Variants in SETDB2 observed in about 807,000 individuals in gnomAD.
The protein encoded by SETDB2 is SET domain bifurcated histone lysine methyltransferase 2, also known as histone-lysine N-methyltransferase SETDB2.
SETDB2 carries 56 observed loss-of-function variants against 82.5 expected under a neutral mutation model. That is an observed-to-expected ratio of 0.68 (90% confidence interval 0.55 to 0.85). SETDB2 has a LOEUF of 0.85. Ranked by LOEUF, SETDB2 falls within the 40% of genes least tolerant of loss-of-function variation. SETDB2 has a pLI of 0.00. For missense variants in SETDB2, 677 were observed against 816.4 expected (o/e 0.83, Z 2.08); for synonymous variants, 272 against 284.9 (o/e 0.95, Z 0.46).
intron 3 of SETDB2, among the ~76,000 whole-genome samples, chr13:49,460,679 G>A (rs1004994353): frequency 1.3e-5 from 2 of 152,066 alleles, no homozygotes; most frequent in Admixed American, 6.5e-5. Flanking sequence ...AACCCTGGTT[G>A]GTTGTAGAAC....
intron 11 of SETDB2, among the ~76,000 whole-genome samples, chr13:49,487,305 A>T (rs749896393): frequency 7.9e-5 from 12 of 152,014 alleles, no homozygotes; most frequent in Non-Finnish European, 1.8e-4. Context: ...AGTAATTTAT[A>T]CTTACTCCAT....
intron 4 of SETDB2, among the ~76,000 whole-genome samples, chr13:49,466,811 C>CT (rs3039228): frequency 0.15 from 17,550 of 116,754 alleles, 1,951 homozygotes; most frequent in African/African-American, 0.23. Context: ...GCCTGGCTAA[C>CT]TTTTTTTTTT....
intron 5 of SETDB2, among the ~76,000 whole-genome samples, chr13:49,475,806 A>G (rs1453001621): frequency 6.6e-6 from 1 of 151,056 alleles, no homozygotes; most frequent in African/African-American, 2.4e-5. Flanking sequence ...TTTTTATTTT[A>G]TTAATAACCA....
intron 3 of SETDB2, among the ~76,000 whole-genome samples, 166 bp from the exon 4 acceptor site, chr13:49,460,931 G>A (rs757167222): frequency 5.9e-5 from 9 of 152,122 alleles, no homozygotes; most frequent in Non-Finnish European, 1.2e-4. Flanking sequence ...GGAATAAATA[G>A]CTTAACCTCT....
At position 49,494,045 on chromosome 13, in the gene SETDB2, G is replaced by A. The variant is rs957579987; in HGVS notation, c.*2196G>A. On this transcript the variant is annotated 3_prime_UTR_variant, in exon 14 of 14. Transcript: ENST00000611815. ...TCCAGATGTTAGACCTCCAGAATTT[G>A]ATCTCTAATTTTCCTATCTTTTCTC... is the stretch of plus-strand genomic sequence containing the variant. The A allele has an allele frequency of 1.3e-5, 2 of 152,048 alleles. No homozygotes were observed. The highest frequency in any genetic ancestry group is 4.8e-5 in the African/African-American group (2 of 41,370). 9.4% of individuals were successfully genotyped at this position (152,048 alleles called of 1,614,324 possible). A position where few individuals can be genotyped will look rare whatever the true frequency, so the allele number is the denominator to read the frequency against.
rs201035690 is a variant in SETDB2, at chr13:49,487,338, CT to C, written c.1577-942del. Among the ~76,000 whole-genome samples the C allele has an allele frequency of 5.4e-5, 8 of 148,416 alleles. No individual in the cohort carries two copies. The East Asian group carries it at 5.9e-4, about 11-fold the overall frequency. On this transcript the variant is annotated intron_variant, in intron 11 of 13. Coordinates refer to ENST00000611815, the MANE Select transcript of SETDB2 (RefSeq NM_001160308.3). Reference sequence around the variant, plus strand: ...CATCTGACATGCATTCATATCTTTTCTTTTTTTTTTAAAGAGAGACAGCGAC... The same window carrying C: ...CATCTGACATGCATTCATATCTTTTCTTTTTTTTTAAAGAGAGACAGCGAC...
chr13:49,469,489 C>G (rs1464903068), intron 5 of SETDB2, among the ~76,000 whole-genome samples: 4 of 152,162 alleles, frequency 2.6e-5, no homozygotes. Flanking sequence ...TAACTCAGCA[C>G]CTAGTGTTGG....
At position 49,493,454 on chromosome 13, in the gene SETDB2, C is replaced by T. The variant is rs1958749806; in HGVS notation, c.*1605C>T. 1 of 152,116 alleles carries T rather than the reference C, an allele frequency of 6.6e-6. No homozygotes were observed. The highest frequency in any genetic ancestry group is 2.1e-4 in the South Asian group (1 of 4,834). The allele number at this position is 152,116 out of a possible 1,614,324, so 9.4% of individuals were successfully genotyped here. On this transcript the variant is annotated 3_prime_UTR_variant, in exon 14 of 14. Coordinates refer to ENST00000611815, the MANE Select transcript of SETDB2 (RefSeq NM_001160308.3). Reference sequence around the variant, plus strand: ...AAATTTCTCCTAAAATCTTGATTTGCTTTAGTCTGGACTGGTTCATAGCCA... The same window carrying T: ...AAATTTCTCCTAAAATCTTGATTTGTTTTAGTCTGGACTGGTTCATAGCCA...
intron 5 of SETDB2, among the ~76,000 whole-genome samples, chr13:49,474,180 T>A (rs1042487086): frequency 6.6e-6 from 1 of 152,140 alleles, no homozygotes; most frequent in Admixed American, 6.5e-5. Flanking sequence ...AAGAATTGCT[T>A]GAAGCTGGGA....
intron 1 of SETDB2, chr13:49,445,498 T>A (rs554343866): frequency 6.6e-6 from 1 of 152,356 alleles, no homozygotes; most frequent in South Asian, 2.1e-4. Context: ...CAGTTGTCTC[T>A]GGATGATGGG....
At chr13:49,449,097 C>G (rs1292182165) in intron 1 of SETDB2, among the ~76,000 whole-genome samples, 4 of 152,162 alleles carry the variant, frequency 2.6e-5, no homozygotes, top group Admixed American at 2.0e-4. Flanking sequence ...AAGTGGGTCT[C>G]TTATTTTAAA....
At chr13:49,463,969 C>T (rs1389866401) in intron 4 of SETDB2, 5 of 715,052 alleles carry the variant, frequency 7.0e-6, no homozygotes, top group African/African-American at 1.7e-5. Context: ...TACAGGAAAG[C>T]TTATTTCTCT....
In SETDB2 at chr13:49,492,860, G is replaced by C. The variant is rs1198447511; in HGVS notation, c.*1011G>C. ...CGTAGTCTCAGCTACTCAGGAGTGA[G>C]GTGGGAGGATCATTTGAGCTCAGAA... On this transcript the variant is annotated 3_prime_UTR_variant, in exon 14 of 14. Transcript: ENST00000611815. 1 of 152,108 alleles carries C rather than the reference G, an allele frequency of 6.6e-6. No homozygotes were observed. The highest frequency in any genetic ancestry group is 6.6e-5 in the Admixed American group (1 of 15,266). The allele number at this position is 152,108 out of a possible 1,614,324, so 9.4% of individuals were successfully genotyped here. A position where few individuals can be genotyped will look rare whatever the true frequency, so the allele number is the denominator to read the frequency against.
rs1360733432 is a variant in SETDB2 at position 49,492,988 on chromosome 13, AAAC to A, written c.*1142_*1144del. 6.6e-6 allele frequency: 1 copy of A among 152,112 alleles called. No homozygotes were observed. Among genetic ancestry groups the A allele is most frequent in the African/African-American group, 2.4e-5 (1 of 41,400 alleles). The allele number at this position is 152,112 out of a possible 1,614,324, so 9.4% of individuals were successfully genotyped here. Reference sequence around the variant, plus strand: ...AAACAGCACACACACACACACACGAAAACAATTCTGAACTATGAAATCTGAAAC... The same window carrying A: ...AAACAGCACACACACACACACACGAAAATTCTGAACTATGAAATCTGAAAC... On this transcript the variant is annotated 3_prime_UTR_variant, in exon 14 of 14. Transcript: ENST00000611815.
In SETDB2 at chr13:49,490,869, A is replaced by C; in HGVS notation, c.1965A>C (p.Thr655=). Residue 655 remains threonine (T), a synonymous_variant, in exon 13 of 14, where the codon ACA becomes ACC. Transcript: ENST00000611815. ...NLLVQNVFVE[T]HNRNFPLVAF... ...TGGTACAGAATGTTTTTGTAGAAAC[A>C]CACAACAGGAATTTTCCATTGGTGG... 1.2e-6 allele frequency: 2 copies of C among 1,613,694 alleles called. No homozygotes were observed. The highest frequency in any genetic ancestry group is 1.7e-6 in the Non-Finnish European group (2 of 1,179,710).
intron 1 of SETDB2, chr13:49,445,408 A>T (rs1189958462): frequency 6.6e-6 from 1 of 152,224 alleles, no homozygotes; most frequent in Non-Finnish European, 1.5e-5. Flanking sequence ...AGACTGGCTT[A>T]ATTATTTTTC....
intron 1 of SETDB2, chr13:49,445,745 GT>G (rs1388951382): frequency 6.6e-6 from 1 of 151,674 alleles, no homozygotes; most frequent in Middle Eastern, 3.4e-3. Flanking sequence ...CCTGGCCAAC[GT>G]GGTGAAACCC....
intron 4 of SETDB2, 106 bp from the exon 5 acceptor site, chr13:49,467,758 G>T: frequency 1.6e-6 from 1 of 639,752 alleles, no homozygotes; most frequent in Non-Finnish European, 2.4e-6. Context: ...GCAAATTTTA[G>T]GGATCCATAT....
At chr13:49,461,409 A>G (rs1437731510) in intron 4 of SETDB2, among the ~76,000 whole-genome samples, 1 of 152,108 alleles carries the variant, frequency 6.6e-6, no homozygotes, top group African/African-American at 2.4e-5. Flanking sequence ...TCTTTGGGGG[A>G]AAAAAAGACT....
Sources: allele counts gnomAD v4.1 joint callset (sites outside exome capture counted in the v4.1 genomes callset), GRCh38; gene constraint gnomAD v4.1.1; transcripts MANE v1.5; gene names NCBI Gene and HGNC (gene_info 2026-07-23, HGNC 2026-07-21).